The following SCAF1 variants were observed in gnomAD, a reference collection of about 807,000 sequenced individuals.
SCAF1 encodes splicing factor, arginine/serine-rich 19.
Under a neutral mutation model 91.2 loss-of-function variants are expected in SCAF1, and 28 were observed. The observed-to-expected ratio is 0.31, with a 90% confidence interval of 0.23 to 0.42. The LOEUF is 0.42. Ranked by LOEUF, SCAF1 falls within the 10% of genes least tolerant of loss-of-function variation. SCAF1 has a pLI of 1.00. For missense variants in SCAF1, 1,893 were observed against 1,872.1 expected (o/e 1.01, Z -0.21); for synonymous variants, 1,036 against 833.7 (o/e 1.24, Z -4.18).
In SCAF1 at chr19:49,652,560, C is replaced by G; in HGVS notation, c.2171C>G (p.Ser724Cys). 4 of 1,564,934 alleles carry G rather than the reference C, an allele frequency of 2.6e-6. No homozygotes were observed. Among genetic ancestry groups the G allele is most frequent in the Non-Finnish European group, 3.5e-6 (4 of 1,153,774 alleles). Residue 724 changes from serine (S) to cysteine (C), a missense_variant, in exon 7 of 11, where the codon TCC becomes TGC. Ser to Cys is a moderately radical substitution (Grantham distance 112). Coordinates refer to ENST00000360565, the MANE Select transcript of SCAF1 (RefSeq NM_021228.3). ...CGAGGACCCTCTCCTGCTCCGGCCT[C>G]CTCACCTAAGCGGGAGGTCCTGTAC... ...DPRGPSPAPA[S>C]SPKREVLYDS...
chr19:49,653,040 C>G lies in SCAF1; in HGVS notation c.2651C>G (p.Pro884Arg). 1 of 1,614,034 alleles carries G rather than the reference C, an allele frequency of 6.2e-7. No individual in the cohort carries two copies. Among genetic ancestry groups the G allele is most frequent in the Non-Finnish European group, 8.5e-7 (1 of 1,180,022 alleles). The change falls in exon 7 of 11, where the codon CCC (proline) becomes CGC (arginine). Residue 884 changes from proline (P) to arginine (R), a missense_variant. By Grantham distance (103) the Pro-to-Arg change is moderately radical. Coordinates refer to ENST00000360565, the MANE Select transcript of SCAF1 (RefSeq NM_021228.3). ...SPFLKPDERAPTEMAKAAPGS... is the reference protein window; with the variant it reads ...SPFLKPDERARTEMAKAAPGS... ...TTCCTCAAACCTGACGAGCGGGCCC[C>G]CACTGAGATGGCCAAAGCAGCTCCG...
chr19:49,646,698 C>A lies in SCAF1; in HGVS notation c.363-17C>A. 6.2e-7 allele frequency: 1 copy of A among 1,612,722 alleles called. No homozygotes were observed. The highest frequency in any genetic ancestry group is 8.5e-7 in the Non-Finnish European group (1 of 1,178,850). ...CAGAAGCACCCCTGAGGCTCACCCA[C>A]CCCTTCCGCCTTGCAGAAGTGAGGA... is the stretch of plus-strand genomic sequence containing the variant. On this transcript the variant is annotated splice_polypyrimidine_tract_variant and intron_variant, in intron 5 of 10. Transcript: ENST00000360565. This position sits in a 1 kb window ranked among gnomAD's most constrained non-coding sequence, Gnocchi z 5.6.
rs1456044825 is a variant in SCAF1, at chr19:49,651,910, G to A, written c.1521G>A (p.Pro507=). The A allele has an allele frequency of 8.7e-7, 1 of 1,152,264 alleles. No individual in the cohort carries two copies. Among genetic ancestry groups the A allele is most frequent in the Non-Finnish European group, 1.1e-6 (1 of 933,632 alleles). 71.4% of individuals were successfully genotyped at this position (1,152,264 alleles called of 1,614,324 possible). Residue 507 remains proline (P), a synonymous_variant, in exon 7 of 11, where the codon CCG becomes CCA. Coordinates refer to ENST00000360565, the MANE Select transcript of SCAF1 (RefSeq NM_021228.3). ...RSPSPAPAPA[P]AAAAGPPTRK... is the part of the protein sequence containing the mutation. ...CCTCCCCGGCGCCCGCGCCCGCCCC[G>A]GCCGCCGCTGCTGGTCCGCCCACGC... is the stretch of plus-strand genomic sequence containing the variant.
In SCAF1 at chr19:49,653,586, G is replaced by C. The variant is rs1415179404; in HGVS notation, c.3197G>C (p.Gly1066Ala). 4.4e-6 allele frequency: 7 copies of C among 1,588,042 alleles called. No individual in the cohort carries two copies. In the East Asian group the frequency reaches 1.6e-4, roughly 36 times the overall value. Reference sequence around the variant, plus strand: ...GCCCCCAGCGCGGGGTCCACAGCCGGTGACTCGGGGGCGGAGGACGGGCCA... The same window carrying C: ...GCCCCCAGCGCGGGGTCCACAGCCGCTGACTCGGGGGCGGAGGACGGGCCA... ...STAPSAGSTAGDSGAEDGPAS... is the reference protein window; with the variant it reads ...STAPSAGSTAADSGAEDGPAS... Residue 1066 changes from glycine (G) to alanine (A), a missense_variant, in exon 7 of 11, where the codon GGT (glycine) becomes GCT (alanine). This residue lies in a region of SCAF1 where 1,436 missense variants were observed against 1,306.8 expected (regional missense o/e 1.10). Coordinates refer to ENST00000360565, the MANE Select transcript of SCAF1 (RefSeq NM_021228.3).
At chr19:49,649,103 G>A (rs1369173676) in intron 6 of SCAF1, among the ~76,000 whole-genome samples, 1 of 152,166 alleles carries the variant, frequency 6.6e-6, no homozygotes, top group Non-Finnish European at 1.5e-5. Context: ...AGAGTGATAA[G>A]GGTGTATCCG....
At chr19:49,647,363 C>G (rs1404485346) in intron 6 of SCAF1, among the ~76,000 whole-genome samples, 1 of 152,242 alleles carries the variant, frequency 6.6e-6, no homozygotes, top group East Asian at 1.9e-4. Context: ...GCAAGGAGGA[C>G]TTGTTACTAT....
intron 6 of SCAF1, among the ~76,000 whole-genome samples, chr19:49,648,570 C>CCT (rs1555748497): frequency 2.1e-3 from 313 of 146,874 alleles, no homozygotes; most frequent in African/African-American, 7.3e-3. Context: ...ACCCCCCCCC[C>CCT]TTTTTTTTTA....
In SCAF1 at chr19:49,653,638, G is replaced by GC; in HGVS notation, c.3249_3250insC (p.Pro1085AlafsTer106). The GC allele has an allele frequency of 1.3e-6, 2 of 1,587,568 alleles. No homozygotes were observed. The highest frequency in any genetic ancestry group is 1.8e-4 in the Middle Eastern group (1 of 5,694). On this transcript the variant is annotated frameshift_variant, in exon 7 of 11. Transcript: ENST00000360565. LOFTEE classifies it high-confidence loss of function. Reference sequence around the variant, plus strand: ...CTTCCCGTGTCTCCCAGCTGCCCACGTTGCCCCCGCCCATGCCCTGGAATC... The same window carrying GC: ...CTTCCCGTGTCTCCCAGCTGCCCACGCTTGCCCCCGCCCATGCCCTGGAATC...
Position 49,645,618 on chromosome 19 carries a change from G to A in SCAF1, c.166+207G>A, listed in dbSNP as rs1302778234. On this transcript the variant is annotated intron_variant, in intron 3 of 10. Coordinates refer to ENST00000360565, the MANE Select transcript of SCAF1 (RefSeq NM_021228.3). The surrounding 1 kb of genome is among the most constrained non-coding windows in gnomAD (Gnocchi z 4.6). ...CAGGCACAGTGCTGGGAGAGGGCAG[G>A]AGGCCCACTTGAGCTAGCATGGTGG... Among the ~76,000 whole-genome samples the A allele has an allele frequency of 6.6e-6, 1 of 152,218 alleles. No homozygotes were observed. Among genetic ancestry groups the A allele is most frequent in the Non-Finnish European group, 1.5e-5 (1 of 68,034 alleles).
At chr19:49,647,892 C>T (rs2081064384) in intron 6 of SCAF1, among the ~76,000 whole-genome samples, 1 of 152,080 alleles carries the variant, frequency 6.6e-6, no homozygotes, top group African/African-American at 2.4e-5. Flanking sequence ...CTCAGCCTCC[C>T]ACAGTGCTGG....
Position 49,657,692 on chromosome 19 carries a change from G to A in SCAF1, c.3619-69G>A, listed in dbSNP as rs2081149534. The A allele has an allele frequency of 2.0e-6, 3 of 1,526,188 alleles. No homozygotes were observed. In the East Asian group the frequency reaches 7.4e-5, roughly 37 times the overall value. The allele number at this position is 1,526,188 out of a possible 1,614,324, so 94.5% of individuals were successfully genotyped here. On this transcript the variant is annotated intron_variant, in intron 9 of 10. Transcript: ENST00000360565. ...GGTTAGGCTGGCAGCAGAGGCGAGT[G>A]GAGGTGGAGGTTCCGCAGGTACTCA...
chr19:49,656,259 G>A (rs2081138822), intron 9 of SCAF1, among the ~76,000 whole-genome samples: 2 of 152,188 alleles, frequency 1.3e-5, no homozygotes, highest in Non-Finnish European at 1.5e-5. Context: ...TTGGGGAGCA[G>A]CGTCTCTCTA....
Position 49,651,705 on chromosome 19 carries a change from G to A in SCAF1, c.1316G>A (p.Arg439Gln), listed in dbSNP as rs1198973419. The change falls in exon 7 of 11, where the codon CGG (arginine) becomes CAG (glutamine). Residue 439 changes from arginine (R) to glutamine (Q), a missense_variant. Physicochemically the swap from Arg to Gln is conservative, Grantham distance 43 (BLOSUM62 1). This residue lies in a region of SCAF1 where 1,436 missense variants were observed against 1,306.8 expected (regional missense o/e 1.10). Coordinates refer to ENST00000360565, the MANE Select transcript of SCAF1 (RefSeq NM_021228.3). Reference protein sequence around the residue: ...AQPLPQPPAPRAPEGDDFLSL... With the variant: ...AQPLPQPPAPQAPEGDDFLSL... ...CCCCTTCCTCAGCCTCCCGCTCCGC[G>A]GGCCCCCGAGGGGGACGACTTCTTG... 17 of 1,383,368 alleles carry A rather than the reference G, an allele frequency of 1.2e-5. No individual in the cohort carries two copies. The highest frequency in any genetic ancestry group is 1.6e-5 in the Non-Finnish European group (17 of 1,079,862). 85.7% of individuals were successfully genotyped at this position (1,383,368 alleles called of 1,614,324 possible). A position where few individuals can be genotyped will look rare whatever the true frequency, so the allele number is the denominator to read the frequency against.
intron 9 of SCAF1, among the ~76,000 whole-genome samples, chr19:49,655,753 C>T (rs2081135126): frequency 6.6e-6 from 1 of 152,194 alleles, no homozygotes; most frequent in Non-Finnish European, 1.5e-5. Flanking sequence ...TAGCCTCAGC[C>T]TTGATCTCTC....
Position 49,657,808 on chromosome 19 carries a change from G to A in SCAF1, c.3666G>A (p.Lys1222=). The A allele has an allele frequency of 1.2e-6, 2 of 1,608,412 alleles. No homozygotes were observed. The highest frequency in any genetic ancestry group is 1.3e-5 in the African/African-American group (1 of 74,946). The change falls in exon 10 of 11, where the codon AAG becomes AAA. Residue 1222 remains lysine, a synonymous_variant. Transcript: ENST00000360565. ...AGGAGCGGGCGGTGGAGGAGGTGAA[G>A]CTGGCCATCAAGCCATACTATCAGA... is the stretch of plus-strand genomic sequence containing the variant. ...HTQERAVEEV[K]LAIKPYYQKK...
chr19:49,641,961 C>T (rs1485245540), upstream of SCAF1, among the ~76,000 whole-genome samples: 2 of 152,240 alleles, frequency 1.3e-5, no homozygotes, highest in Non-Finnish European at 2.9e-5. Context: ...GCCCCGCCCA[C>T]TTCACCTCTC....
In SCAF1 at chr19:49,651,853, C is replaced by G; in HGVS notation, c.1464C>G (p.Thr488=). The part of the protein sequence containing the change: ...GGLDLRRKIL[T]QRRERYRQRS... ...TGGACCTGCGCCGCAAGATCCTGAC[C>G]CAACGGCGGGAGCGCTACCGCCAGC... The change falls in exon 7 of 11, where the codon ACC becomes ACG. Residue 488 remains threonine (T), a synonymous_variant. Transcript: ENST00000360565. The G allele has an allele frequency of 8.0e-7, 1 of 1,252,908 alleles. No individual in the cohort carries two copies. Among genetic ancestry groups the G allele is most frequent in the Non-Finnish European group, 1.0e-6 (1 of 998,916 alleles). 77.6% of individuals were successfully genotyped at this position (1,252,908 alleles called of 1,614,324 possible).
chr19:49,650,592 C>T (rs954566348), intron 6 of SCAF1, among the ~76,000 whole-genome samples: 22 of 152,116 alleles, frequency 1.4e-4, no homozygotes, highest in African/African-American at 5.1e-4. Flanking sequence ...GGTTCGGGGC[C>T]GCACTGACTG....
rs985008555 is a variant in SCAF1 at position 49,658,481 on chromosome 19, G to C, written c.*82G>C. 1 of 761,830 alleles carries C rather than the reference G, an allele frequency of 1.3e-6. No homozygotes were observed. The allele number at this position is 761,830 out of a possible 1,614,324, so 47.2% of individuals were successfully genotyped here. A position where few individuals can be genotyped will look rare whatever the true frequency, so the allele number is the denominator to read the frequency against. On this transcript the variant is annotated 3_prime_UTR_variant, in exon 11 of 11. Coordinates refer to ENST00000360565, the MANE Select transcript of SCAF1 (RefSeq NM_021228.3). ...CTCCACCTCCCCACCTCCCTCCCCC[G>C]TCAGTGGGATGACTGGGGGAGGGTT... is the stretch of plus-strand genomic sequence containing the variant.
Sources: gnomAD v4.1 joint callset for allele counts (sites outside exome capture counted in the v4.1 genomes callset) on GRCh38, gnomAD v4.1.1 for gene constraint, gnomAD v4.1.1 regional missense constraint, Gnocchi (gnomAD v3.1) non-coding constraint, MANE v1.5 for transcripts, NCBI Gene and HGNC (gene_info 2026-07-23, HGNC 2026-07-21) for gene names.